The following CAMTA1 variants were observed in gnomAD, a reference collection of about 807,000 sequenced individuals.
CAMTA1 encodes the protein calmodulin-binding transcription activator 1.
A neutral mutation model predicts 170.9 loss-of-function variants in CAMTA1; 27 were observed. That is an observed-to-expected ratio of 0.16 (90% CI 0.12 to 0.22). CAMTA1 has a LOEUF of 0.22. CAMTA1 is among the 10% of genes least tolerant of loss of function. The probability of loss-of-function intolerance (pLI) is 1.00; values close to 1 mark genes in which losing one functional copy is unlikely to be tolerated. For missense variants in CAMTA1, 1,619 were observed against 2,217.2 expected (o/e 0.73, Z 5.42); for synonymous variants, 833 against 891.5 (o/e 0.93, Z 1.17).
chr1:6,871,969 A>G, intron 3 of CAMTA1: 1 of 1,248,020 alleles, frequency 8.0e-7, no homozygotes, highest in Non-Finnish European at 1.0e-6. Context: ...ATAAATTTGC[A>G]AAATGCTGTC....
intron 9 of CAMTA1, among the ~76,000 whole-genome samples, chr1:7,669,964 CCCT>C (rs2096042492): frequency 1.3e-5 from 2 of 152,234 alleles, no homozygotes; most frequent in Admixed American, 1.3e-4. Flanking sequence ...CATGAGGCCA[CCCT>C]CCTCCTCCAC....
At chr1:7,542,430 T>C (rs1000001628) in intron 6 of CAMTA1, among the ~76,000 whole-genome samples, 2 of 151,868 alleles carry the variant, frequency 1.3e-5, no homozygotes, top group Non-Finnish European at 2.9e-5. Context: ...TATTTTTTTG[T>C]TTTTTTTGTT....
chr1:7,147,143 AG>A (rs1646247531), intron 4 of CAMTA1, among the ~76,000 whole-genome samples: 1 of 152,090 alleles, frequency 6.6e-6, no homozygotes, highest in Non-Finnish European at 1.5e-5. Flanking sequence ...CCACACAGCC[AG>A]GCATGATGGC....
Position 7,007,715 on chromosome 1 carries a change from C to T in CAMTA1, c.235-83589C>T, listed in dbSNP as rs1014575829. On this transcript the variant is annotated intron_variant, in intron 3 of 22. Coordinates refer to ENST00000303635, the MANE Select transcript of CAMTA1 (RefSeq NM_015215.4). This position sits in a 1 kb window ranked among gnomAD's most constrained non-coding sequence, Gnocchi z 4.5. Reference sequence around the variant, plus strand: ...AGGACCCCCTGTGGGGCTCCCGGGGCGTCGCTTCTGCCTCTTCCAGTGCTT... The same window carrying T: ...AGGACCCCCTGTGGGGCTCCCGGGGTGTCGCTTCTGCCTCTTCCAGTGCTT... Among the ~76,000 whole-genome samples, 1 of 152,162 alleles carries T rather than the reference C, an allele frequency of 6.6e-6. No individual in the cohort carries two copies. The highest frequency in any genetic ancestry group is 1.5e-5 in the Non-Finnish European group (1 of 68,022).
At chr1:7,184,064 T>A (rs925141253) in intron 4 of CAMTA1, among the ~76,000 whole-genome samples, 8 of 152,172 alleles carry the variant, frequency 5.3e-5, no homozygotes, top group Non-Finnish European at 1.2e-4. Flanking sequence ...AAGAGTGAGA[T>A]CCTGTCATTT....
chr1:7,499,636 G>C (rs563734400), intron 6 of CAMTA1, among the ~76,000 whole-genome samples: 1 of 139,574 alleles, frequency 7.2e-6, no homozygotes, highest in Admixed American at 7.2e-5. Context: ...GTGTGAGCCT[G>C]GTGTGAGTGC....
At chr1:6,895,448 C>T (rs1429486797) in intron 3 of CAMTA1, among the ~76,000 whole-genome samples, 1 of 152,192 alleles carries the variant, frequency 6.6e-6, no homozygotes, top group Non-Finnish European at 1.5e-5. Flanking sequence ...CTTCATGTCT[C>T]CAGTTTGCTC....
chr1:7,661,981 G>A, intron 8 of CAMTA1, 115 bp downstream of exon 8: 1 of 1,228,600 alleles, frequency 8.1e-7, no homozygotes, highest in East Asian at 2.6e-5. Context: ...GGGAGGAGGG[G>A]GACAGTCAGG....
chr1:6,818,329 TC>T (rs779859175), intron 1 of CAMTA1, among the ~76,000 whole-genome samples: 66 of 152,288 alleles, frequency 4.3e-4, no homozygotes, highest in Non-Finnish European at 8.4e-4. Flanking sequence ...AGAGTGAGAC[TC>T]CGTCTCAAAA....
At chr1:6,787,040 G>A (rs1312528365) in intron 1 of CAMTA1, among the ~76,000 whole-genome samples, 1 of 152,190 alleles carries the variant, frequency 6.6e-6, no homozygotes, top group Admixed American at 6.5e-5. Context: ...GACTTTGTCC[G>A]TCCCACACTC....
intron 7 of CAMTA1, among the ~76,000 whole-genome samples, chr1:7,647,472 C>T (rs1052253665): frequency 2.6e-5 from 4 of 152,296 alleles, no homozygotes; most frequent in African/African-American, 7.2e-5. Context: ...AAGCCTGACT[C>T]CCCGGTCCAG....
At chr1:7,751,886 C>T (rs1284451767) in intron 20 of CAMTA1, among the ~76,000 whole-genome samples, 3 of 152,134 alleles carry the variant, frequency 2.0e-5, no homozygotes, top group Non-Finnish European at 2.9e-5. Context: ...GTAACTGAAA[C>T]GTATATGATG....
In CAMTA1 at chr1:6,844,681, C is replaced by A. The variant is rs1422410810; in HGVS notation, c.234+19471C>A. On this transcript the variant is annotated intron_variant, in intron 3 of 22. Coordinates refer to ENST00000303635, the MANE Select transcript of CAMTA1 (RefSeq NM_015215.4). The stretch of plus-strand genomic sequence containing the variant: ...AGCTTGGGTGACAGAGTGAGAGAGA[C>A]CCTGTGTCCAAAAAAAAAAAAAAAA... Among the ~76,000 whole-genome samples, 5 of 133,136 alleles carry A rather than the reference C, an allele frequency of 3.8e-5. No individual in the cohort carries two copies. The Admixed American group carries it at 3.8e-4, about 10-fold the overall frequency. The allele number at this position is 133,136 out of a possible 152,430, so 87.3% of individuals were successfully genotyped here.
intron 1 of CAMTA1, among the ~76,000 whole-genome samples, chr1:6,814,556 C>G (rs1017219155): frequency 2.6e-4 from 39 of 152,186 alleles, no homozygotes; most frequent in Non-Finnish European, 1.0e-4. Context: ...GTCTGCCCAC[C>G]AGGAGCACCT....
chr1:7,461,795 C>T (rs1170991663), intron 5 of CAMTA1, among the ~76,000 whole-genome samples: 1 of 152,200 alleles, frequency 6.6e-6, no homozygotes, highest in Admixed American at 6.5e-5. Context: ...TCATTTTGTT[C>T]CTCCAGGGGA....
chr1:7,391,011 T>G (rs534220702), intron 5 of CAMTA1, among the ~76,000 whole-genome samples: 52 of 152,270 alleles, frequency 3.4e-4, no homozygotes, highest in African/African-American at 1.2e-3. Context: ...TTGTTGTTTT[T>G]TTTTTTATGG....
intron 22 of CAMTA1, among the ~76,000 whole-genome samples, chr1:7,761,550 A>G (rs1282137953): frequency 1.3e-5 from 2 of 152,204 alleles, no homozygotes; most frequent in Non-Finnish European, 2.9e-5. Flanking sequence ...AGTGTGTGTA[A>G]CATAACAAAA....
At chr1:6,962,513 T>TAG (rs1690631288) in intron 3 of CAMTA1, among the ~76,000 whole-genome samples, 1 of 150,816 alleles carries the variant, frequency 6.6e-6, no homozygotes, top group African/African-American at 2.4e-5. Flanking sequence ...CCCGTTTCCT[T>TAG]TATGGACCTG....
At chr1:7,545,889 C>CATG (rs2094685406) in intron 6 of CAMTA1, among the ~76,000 whole-genome samples, 4 of 151,820 alleles carry the variant, frequency 2.6e-5, no homozygotes, top group Admixed American at 2.6e-4. Flanking sequence ...CGGACATGTC[C>CATG]ATGTGTTCTC....
Sources: gnomAD v4.1 joint callset for allele counts (sites outside exome capture counted in the v4.1 genomes callset) on GRCh38, gnomAD v4.1.1 for gene constraint, Gnocchi (gnomAD v3.1) non-coding constraint, MANE v1.5 for transcripts, NCBI Gene and HGNC (gene_info 2026-07-23, HGNC 2026-07-21) for gene names.